The following NDUFAF6 variants were observed in gnomAD, a reference collection of about 807,000 sequenced individuals.
NDUFAF6 encodes NADH dehydrogenase (ubiquinone) complex I, assembly factor 6.
NDUFAF6 carries 45 observed loss-of-function variants against 40.8 expected under a neutral mutation model. The ratio of observed to expected loss-of-function variants is 1.10; its 90% CI spans 0.87 to 1.42. The LOEUF (loss-of-function observed/expected upper bound fraction) is 1.42. Ranked by LOEUF, NDUFAF6 falls within the 40% of genes most tolerant of loss-of-function variation. The pLI is 0.00. For missense variants in NDUFAF6, 435 were observed against 418.5 expected, an observed-to-expected ratio of 1.04 and a Z score of -0.34; for synonymous variants, 185 against 155.9, an observed-to-expected ratio of 1.19 and a Z score of -1.39.
chr8:95,024,945 G>T, upstream of NDUFAF6: 1 of 1,256,010 alleles, frequency 8.0e-7, no homozygotes, highest in Non-Finnish European at 1.0e-6. Flanking sequence ...AACCTGCAGG[G>T]GCGTGGCCGG....
chr8:94,924,888 G>A (rs1047766822), intron 1 of NDUFAF6, among the ~76,000 whole-genome samples: 2 of 152,152 alleles, frequency 1.3e-5, no homozygotes, highest in African/African-American at 2.4e-5. Context: ...GATTACAGGC[G>A]TGTGCCACCA....
At chr8:94,935,860 T>G (rs1188962965) in intron 1 of NDUFAF6, among the ~76,000 whole-genome samples, 1 of 152,232 alleles carries the variant, frequency 6.6e-6, no homozygotes, top group Non-Finnish European at 1.5e-5. Flanking sequence ...TATGTCTGGC[T>G]GGAGACACAC....
chr8:95,069,827 A>T (rs1020401266), intron 9 of NDUFAF6, among the ~76,000 whole-genome samples: 2 of 145,738 alleles, frequency 1.4e-5, no homozygotes, highest in African/African-American at 5.0e-5. Context: ...ATATATATAT[A>T]ATATATATGT....
In NDUFAF6 at chr8:94,930,432, C is replaced by T. The variant is rs117962027; in HGVS notation, c.-935-15051C>T. ...CACTGTACATATACACACATCCATA[C>T]ATGTAAGCACAAACCAAGAGAAACC... On this transcript the variant is annotated intron_variant, in intron 1 of 14. Transcript: ENST00000396113. 6,347 of 1,607,858 alleles carry T rather than the reference C, an allele frequency of 3.9e-3. 13 individuals are homozygous for T. Among genetic ancestry groups the T allele is most frequent in the Non-Finnish European group, 4.8e-3 (5,604 of 1,175,724 alleles).
intron 1 of NDUFAF6, among the ~76,000 whole-genome samples, chr8:94,967,700 G>T (rs1014006944): frequency 6.6e-6 from 1 of 151,962 alleles, no homozygotes; most frequent in Non-Finnish European, 1.5e-5. Context: ...CAGCACTTTG[G>T]GAGGCCGAGG....
At chr8:95,093,851 T>G (rs899159255) in intron 2 of NDUFAF6, among the ~76,000 whole-genome samples, 3 of 152,280 alleles carry the variant, frequency 2.0e-5, no homozygotes, top group Non-Finnish European at 4.4e-5. Flanking sequence ...GTGGTATGAT[T>G]GCCACACATC....
chr8:94,994,421 G>A (rs1401273734), intron 2 of NDUFAF6, among the ~76,000 whole-genome samples: 1 of 152,146 alleles, frequency 6.6e-6, no homozygotes, highest in African/African-American at 2.4e-5. Context: ...CATGGTGGCT[G>A]GCACCTGTAT....
intron 7 of NDUFAF6, among the ~76,000 whole-genome samples, chr8:95,049,299 GGT>G (rs1831167990): frequency 6.6e-6 from 1 of 152,080 alleles, no homozygotes; most frequent in African/African-American, 2.4e-5. Context: ...CTCCTGAACT[GGT>G]TCCTGATTTC....
chr8:95,104,451 C>A (rs1199873989), downstream of NDUFAF6, among the ~76,000 whole-genome samples: 1 of 152,180 alleles, frequency 6.6e-6, no homozygotes, highest in African/African-American at 2.4e-5. Context: ...ACATTTGTAA[C>A]TCCCTATGAA....
chr8:94,897,936 C>A (rs986250105), intron 1 of NDUFAF6, among the ~76,000 whole-genome samples: 12 of 152,038 alleles, frequency 7.9e-5, no homozygotes, highest in Admixed American at 1.3e-4. Context: ...TGTAGGATAT[C>A]CCATTATAGA....
intron 3 of NDUFAF6, 21 bp downstream of exon 3, chr8:95,035,597 C>T (rs1275543136): frequency 6.4e-7 from 1 of 1,554,052 alleles, no homozygotes; most frequent in Non-Finnish European, 8.9e-7. Flanking sequence ...AAAAATACCA[C>T]TTTTAATTTG....
At chr8:94,986,109 G>A (rs769147389) in intron 2 of NDUFAF6, among the ~76,000 whole-genome samples, 1 of 151,978 alleles carries the variant, frequency 6.6e-6, no homozygotes. Context: ...TCCTGACCTC[G>A]TGATCTGCCT....
chr8:95,114,428 G>A (rs1415287276), intron 4 of NDUFAF6, among the ~76,000 whole-genome samples: 2 of 152,194 alleles, frequency 1.3e-5, no homozygotes, highest in Non-Finnish European at 2.9e-5. Flanking sequence ...TGATTTCCCC[G>A]CTTATACCAA....
chr8:95,052,211 T>G lies in NDUFAF6; in HGVS notation c.854T>G (p.Phe285Cys). The change falls in exon 8 of 9, where the codon TTT becomes TGT. Residue 285 changes from phenylalanine (F) to cysteine (C), a missense_variant. Phe to Cys is a radical substitution (Grantham distance 205, BLOSUM62 -2). Transcript: ENST00000396124. ...CACAAAACTGTTCCTGTGAAAGCAT[T>G]TCCTGCTTTTCTTCAGACGGTAAGT... ...SFHKTVPVKA[F>C]PAFLQTVSLE... 1.2e-6 allele frequency: 2 copies of G among 1,614,144 alleles called. No homozygotes were observed. Among genetic ancestry groups the G allele is most frequent in the Non-Finnish European group, 1.7e-6 (2 of 1,180,002 alleles).
At chr8:95,075,175 T>A (rs1464337200) in intron 9 of NDUFAF6, among the ~76,000 whole-genome samples, 1 of 152,154 alleles carries the variant, frequency 6.6e-6, no homozygotes, top group East Asian at 1.9e-4. Flanking sequence ...GTCCAGAGAT[T>A]CCTGCTGATT....
In NDUFAF6 at chr8:95,040,122, G is replaced by A. The variant is rs189656571; in HGVS notation, c.421-1448G>A. 1.6e-4 allele frequency among the ~76,000 whole-genome samples: 25 copies of A among 152,152 alleles called. No individual in the cohort carries two copies. In the East Asian group the frequency reaches 4.2e-3, roughly 26 times the overall value. Reference sequence around the variant, plus strand: ...GTTTGTTTTAATCTGGAACATTTCCGTAGCTTTTTTTAGCCCTTTATGACA... The same window carrying A: ...GTTTGTTTTAATCTGGAACATTTCCATAGCTTTTTTTAGCCCTTTATGACA... On this transcript the variant is annotated intron_variant, in intron 3 of 8. Coordinates refer to ENST00000396124, the MANE Select transcript of NDUFAF6 (RefSeq NM_152416.4).
In NDUFAF6 at chr8:95,025,120, G is replaced by C. The variant is rs1827932905; in HGVS notation, c.112G>C (p.Gly38Arg). The C allele has an allele frequency of 6.8e-7, 1 of 1,479,546 alleles. No homozygotes were observed. Among genetic ancestry groups the C allele is most frequent in the Admixed American group, 2.4e-5 (1 of 41,652 alleles). 91.7% of individuals were successfully genotyped at this position (1,479,546 alleles called of 1,614,324 possible). Residue 38 changes from glycine (G) to arginine (R), a missense_variant, in exon 1 of 9, where the codon GGG (glycine) becomes CGG (arginine). Physicochemically the swap from Gly to Arg is moderately radical, Grantham distance 125. Coordinates refer to ENST00000396124, the MANE Select transcript of NDUFAF6 (RefSeq NM_152416.4). ...GTACGCGCGCATGCGGCGGCTGCCC[G>C]GGCCGGAGGTGTCTGGGCGGAGCGT... ...GLYARMRRLP[G>R]PEVSGRSVAA...
intron 2 of NDUFAF6, among the ~76,000 whole-genome samples, chr8:95,013,193 C>T (rs1827296910): frequency 6.6e-6 from 1 of 152,076 alleles, no homozygotes; most frequent in East Asian, 1.9e-4. Context: ...CCTCAAACTC[C>T]TGGGCTCAAT....
At chr8:95,054,080 G>A (rs1023219578) in intron 8 of NDUFAF6, among the ~76,000 whole-genome samples, 3 of 151,372 alleles carry the variant, frequency 2.0e-5, no homozygotes, top group African/African-American at 7.3e-5. Context: ...ATAGTTAGGA[G>A]CACAGGCATG....
Sources: gnomAD v4.1 joint callset for allele counts (sites outside exome capture counted in the v4.1 genomes callset) on GRCh38, gnomAD v4.1.1 for gene constraint, MANE v1.5 for transcripts, NCBI Gene and HGNC (gene_info 2026-07-23, HGNC 2026-07-21) for gene names.